Variants in DOP1B observed in about 807,000 individuals in gnomAD.
The protein encoded by DOP1B is DOP1 leucine zipper like protein B, also known as protein DOP1B.
A neutral mutation model predicts 233.5 loss-of-function variants in DOP1B; 174 were observed. The ratio of observed to expected loss-of-function variants is 0.75; its 90% CI spans 0.66 to 0.85. The LOEUF is 0.85. Ranked by LOEUF, DOP1B falls within the 40% of genes least tolerant of loss-of-function variation. DOP1B has a pLI of 0.00. For missense variants in DOP1B, 2,652 were observed against 2,846.6 expected, an observed-to-expected ratio of 0.93 and a Z score of 1.56; for synonymous variants, 1,190 against 1,185.6, an observed-to-expected ratio of 1.00 and a Z score of -0.08.
intron 2 of DOP1B, chr21:36,170,035 T>C (rs1285455010): frequency 1.4e-6 from 1 of 732,164 alleles, no homozygotes; most frequent in South Asian, 1.4e-5. Flanking sequence ...GCCAGCCTTG[T>C]ATCCCAGGAA....
rs746391181 is a variant in DOP1B, at chr21:36,238,599, A to G, written c.2776-2A>G. The G allele has an allele frequency of 1.2e-6, 2 of 1,614,112 alleles. No homozygotes were observed. The highest frequency in any genetic ancestry group is 2.2e-5 in the East Asian group (1 of 44,886). On this transcript the variant is annotated splice_acceptor_variant, in intron 16 of 36. Coordinates refer to ENST00000691173, the MANE Select transcript of DOP1B (RefSeq NM_001320714.2). LOFTEE classifies it high-confidence loss of function. The stretch of plus-strand genomic sequence containing the variant: ...CTCACTCCCATGTATCTCCTCATCA[A>G]GGGAACAAGGCTGGAAGCTCTGTTT...
chr21:36,233,200 G>A, intron 15 of DOP1B, 125 bp downstream of exon 15: 2 of 1,242,490 alleles, frequency 1.6e-6, no homozygotes, highest in Non-Finnish European at 1.1e-6. Context: ...TAGGGCACTG[G>A]GCAGAGGCAG....
chr21:36,187,596 CTAT>C (rs1019625432), intron 2 of DOP1B, among the ~76,000 whole-genome samples: 1 of 150,378 alleles, frequency 6.6e-6, no homozygotes, highest in African/African-American at 2.5e-5. Flanking sequence ...TGTGCCCAGC[CTAT>C]TTATTTTATT....
In DOP1B at chr21:36,194,978, G is replaced by C. The variant is rs1467021299; in HGVS notation, c.139-4092G>C. On this transcript the variant is annotated intron_variant, in intron 2 of 36. Coordinates refer to ENST00000691173, the MANE Select transcript of DOP1B (RefSeq NM_001320714.2). Reference sequence around the variant, plus strand: ...CCCAGCACTTTGGGAGGCCAGTGCAGGTGGATCAATTGAGCCCAGGGGTTC... The same window carrying C: ...CCCAGCACTTTGGGAGGCCAGTGCACGTGGATCAATTGAGCCCAGGGGTTC... 2.0e-5 allele frequency among the ~76,000 whole-genome samples: 3 copies of C among 152,212 alleles called. No individual in the cohort carries two copies. In the East Asian group the frequency reaches 5.9e-4, roughly 30 times the overall value.
chr21:36,273,232 C>A lies in DOP1B; in HGVS notation c.5632+3075C>A, dbSNP rs188143643. On this transcript the variant is annotated intron_variant, in intron 27 of 36. Transcript: ENST00000691173. ...GACCAGCCTGGCCAGCATGATGAAA[C>A]CCTGTCTCTACTAAAAATACAAAAA... 6.1e-3 allele frequency among the ~76,000 whole-genome samples: 929 copies of A among 151,806 alleles called. 4 individuals carry two copies. The highest frequency in any genetic ancestry group is 0.011 in the Non-Finnish European group (733 of 67,932).
chr21:36,287,874 C>G, intron 32 of DOP1B, 140 bp from the exon 33 acceptor site: 1 of 1,094,306 alleles, frequency 9.1e-7, no homozygotes, highest in Non-Finnish European at 1.3e-6. Flanking sequence ...TGCGAGCCAC[C>G]AAGCCTGGCC....
In DOP1B at chr21:36,281,485, A is replaced by G. The variant is rs753223463; in HGVS notation, c.6034A>G (p.Met2012Val). The G allele has an allele frequency of 2.5e-6, 4 of 1,597,394 alleles. No individual in the cohort carries two copies. The highest frequency in any genetic ancestry group is 3.4e-6 in the Non-Finnish European group (4 of 1,166,572). Residue 2012 changes from methionine (M) to valine (V), a missense_variant and splice_region_variant, in exon 32 of 37, where the codon ATG (methionine) becomes GTG (valine). Transcript: ENST00000691173. ...EKTMFKDLMN[M>V]QSSSLKLFSS... is the part of the protein sequence containing the mutation. ...AAACATTGCTGTATTTATTCTAGACATGCAGAGCAGTTCTTTGAAACTATT... is the reference window on the plus strand; with the variant it reads ...AAACATTGCTGTATTTATTCTAGACGTGCAGAGCAGTTCTTTGAAACTATT...
chr21:36,192,875 G>T (rs1270285971), intron 2 of DOP1B, among the ~76,000 whole-genome samples: 1 of 151,738 alleles, frequency 6.6e-6, no homozygotes, highest in African/African-American at 2.4e-5. Flanking sequence ...TTTTTTAGTG[G>T]AGATGGGGTT....
At chr21:36,207,614 C>T (rs1255621787) in intron 4 of DOP1B, among the ~76,000 whole-genome samples, 1 of 148,450 alleles carries the variant, frequency 6.7e-6, no homozygotes, top group Non-Finnish European at 1.5e-5. Flanking sequence ...AGATGTTAAA[C>T]TGGTCCTAGG....
chr21:36,202,003 G>A (rs2066373121), intron 4 of DOP1B, among the ~76,000 whole-genome samples: 1 of 152,014 alleles, frequency 6.6e-6, no homozygotes, highest in South Asian at 2.1e-4. Context: ...TGGCCAACAT[G>A]GTGAAACCCC....
intron 26 of DOP1B, among the ~76,000 whole-genome samples, chr21:36,269,787 C>G (rs963788787): frequency 3.9e-5 from 6 of 152,124 alleles, no homozygotes; most frequent in African/African-American, 1.2e-4. Flanking sequence ...CCTCAGCCTC[C>G]CAAAGTGCTG....
intron 2 of DOP1B, among the ~76,000 whole-genome samples, chr21:36,178,874 G>A (rs938613690): frequency 1.3e-5 from 2 of 152,112 alleles, no homozygotes; most frequent in African/African-American, 2.4e-5. Context: ...TTGACATAAC[G>A]TTTATCCCTG....
chr21:36,182,144 C>A (rs2066106386), intron 2 of DOP1B, among the ~76,000 whole-genome samples: 1 of 152,060 alleles, frequency 6.6e-6, no homozygotes. Flanking sequence ...TAATCTAATT[C>A]CGATTTGTGG....
chr21:36,286,011 C>CA (rs56184279), intron 32 of DOP1B, among the ~76,000 whole-genome samples: 210 of 137,190 alleles, frequency 1.5e-3, no homozygotes, highest in Middle Eastern at 3.6e-3. Flanking sequence ...GACTCCATCT[C>CA]AAAAAAAAAA....
At chr21:36,282,371 T>A (rs2067427049) in intron 32 of DOP1B, among the ~76,000 whole-genome samples, 1 of 152,130 alleles carries the variant, frequency 6.6e-6, no homozygotes, top group Non-Finnish European at 1.5e-5. Flanking sequence ...TAAGCCAAGA[T>A]CACACCACTG....
rs148971960 is a variant in DOP1B, at chr21:36,289,069, G to C, written c.6378G>C (p.Thr2126=). The C allele has an allele frequency of 5.6e-6, 9 of 1,612,070 alleles. No individual in the cohort carries two copies. The highest frequency in any genetic ancestry group is 7.6e-6 in the Non-Finnish European group (9 of 1,179,670). The change falls in exon 35 of 37, where the codon ACG becomes ACC. Residue 2126 remains threonine, a synonymous_variant. Transcript: ENST00000691173. ...SLRSTNKVNR[T]KVSVPDANGP... ...GAAGCACCAACAAAGTAAACAGAAC[G>C]AAAGTTTCAGTCCCGGATGCAAATG...
intron 2 of DOP1B, among the ~76,000 whole-genome samples, chr21:36,172,009 G>T (rs541975041): frequency 7.2e-5 from 11 of 152,310 alleles, no homozygotes; most frequent in African/African-American, 2.6e-4. Context: ...TGCTATTTTA[G>T]ACAGAGAGGA....
chr21:36,180,981 T>C (rs886156162), intron 2 of DOP1B, among the ~76,000 whole-genome samples: 4 of 152,190 alleles, frequency 2.6e-5, no homozygotes, highest in South Asian at 2.1e-4. Flanking sequence ...ATACATGTGT[T>C]TTTGCTATTG....
chr21:36,177,927 G>A (rs528921017), intron 2 of DOP1B, among the ~76,000 whole-genome samples: 5 of 152,260 alleles, frequency 3.3e-5, no homozygotes, highest in African/African-American at 1.2e-4. Context: ...CAATCTAACA[G>A]AATTGAGTTT....
Sources: allele counts gnomAD v4.1 joint callset (sites outside exome capture counted in the v4.1 genomes callset), GRCh38; gene constraint gnomAD v4.1.1; transcripts MANE v1.5; gene names NCBI Gene and HGNC (gene_info 2026-07-23, HGNC 2026-07-21).